The following PRKRIP1 variants were observed in gnomAD, a reference collection of about 807,000 sequenced individuals.
PRKRIP1 encodes the protein PRKR-interacting protein 1.
PRKRIP1 carries 29 observed loss-of-function variants against 29.3 expected under a neutral mutation model. That is an observed-to-expected ratio of 0.99 (90% CI 0.74 to 1.35). The LOEUF (loss-of-function observed/expected upper bound fraction) is 1.35, where lower values mean the gene tolerates loss of function less well. Ranked by LOEUF, PRKRIP1 falls within the 40% of genes most tolerant of loss-of-function variation. PRKRIP1 has a pLI of 0.00. For missense variants in PRKRIP1, 247 were observed against 236.8 expected, an observed-to-expected ratio of 1.04 and a Z score of -0.28; for synonymous variants, 90 against 85.1, an observed-to-expected ratio of 1.06 and a Z score of -0.32.
At chr7:102,412,330 G>A (rs1180141402) in intron 5 of PRKRIP1, among the ~76,000 whole-genome samples, 1 of 152,138 alleles carries the variant, frequency 6.6e-6, no homozygotes, top group Non-Finnish European at 1.5e-5. Context: ...CGAGGTGGGA[G>A]GATCTCTTGA....
chr7:102,414,920 T>A (rs551408147), intron 5 of PRKRIP1, among the ~76,000 whole-genome samples: 1 of 151,952 alleles, frequency 6.6e-6, no homozygotes, highest in Admixed American at 6.6e-5. Flanking sequence ...AAAGATAAAT[T>A]TCTAACCATG....
intron 3 of PRKRIP1, among the ~76,000 whole-genome samples, chr7:102,401,397 T>C (rs1796066609): frequency 6.6e-6 from 1 of 152,170 alleles, no homozygotes; most frequent in Non-Finnish European, 1.5e-5. Context: ...GAAGAAAATA[T>C]GTAAGAATTT....
At position 102,426,007 on chromosome 7, in the gene PRKRIP1, A is replaced by T. The variant is rs1249496495; in HGVS notation, c.*896A>T. 2.6e-5 allele frequency: 4 copies of T among 153,060 alleles called. No homozygotes were observed. Among genetic ancestry groups the T allele is most frequent in the African/African-American group, 9.6e-5 (4 of 41,462 alleles). The allele number at this position is 153,060 out of a possible 1,614,324, so 9.5% of individuals were successfully genotyped here. On this transcript the variant is annotated 3_prime_UTR_variant, in exon 6 of 6. Coordinates refer to ENST00000397912, the MANE Select transcript of PRKRIP1 (RefSeq NM_024653.4). ...TCGGGGCTTTCCGCCGGCTCACAGC[A>T]GTTGGGGCCAGCGGGGAGAAGAGAG...
At position 102,396,378 on chromosome 7, in the gene PRKRIP1, C is replaced by T. The variant is rs781848089; in HGVS notation, c.-34C>T. 10 of 1,497,220 alleles carry T rather than the reference C, an allele frequency of 6.7e-6. No homozygotes were observed. Among genetic ancestry groups the T allele is most frequent in the Non-Finnish European group, 8.0e-6 (9 of 1,128,696 alleles). The allele number at this position is 1,497,220 out of a possible 1,614,324, so 92.7% of individuals were successfully genotyped here. A position where few individuals can be genotyped will look rare whatever the true frequency, so the allele number is the denominator to read the frequency against. The stretch of plus-strand genomic sequence containing the variant: ...CTGTGTCGTCATACTTGCGCGCCGA[C>T]GCCGCCGCTCGCTTGTGAAACTGGA... On this transcript the variant is annotated 5_prime_UTR_variant, in exon 1 of 6. It adds an upstream start codon to the 5' untranslated region. Transcript: ENST00000397912.
At position 102,423,184 on chromosome 7, in the gene PRKRIP1, G is replaced by A. The variant is rs782072342; in HGVS notation, c.458-1830G>A. On this transcript the variant is annotated intron_variant, in intron 5 of 5. Coordinates refer to ENST00000397912, the MANE Select transcript of PRKRIP1 (RefSeq NM_024653.4). ...GGCTGGAGTGCAGTGGCGCTATCTC[G>A]GCTCACTGCAACCTTTGCCTCCTGG... is the stretch of plus-strand genomic sequence containing the variant. 77 of 445,430 alleles carry A rather than the reference G, an allele frequency of 1.7e-4. 3 individuals are homozygous for A. The highest frequency in any genetic ancestry group is 3.4e-4 in the Admixed American group (14 of 40,972). 27.6% of individuals were successfully genotyped at this position (445,430 alleles called of 1,614,324 possible).
chr7:102,416,132 G>A (rs1796531199), intron 5 of PRKRIP1, among the ~76,000 whole-genome samples: 1 of 152,382 alleles, frequency 6.6e-6, no homozygotes, highest in Non-Finnish European at 1.5e-5. Flanking sequence ...GCCCCATGGG[G>A]TTGTGTGTGC....
chr7:102,410,088 C>T (rs1554572354), intron 5 of PRKRIP1, among the ~76,000 whole-genome samples: 1 of 152,162 alleles, frequency 6.6e-6, no homozygotes. Flanking sequence ...TGCCTAGGAG[C>T]TCTGTGTGTG....
intron 5 of PRKRIP1, 22 bp downstream of exon 5, chr7:102,407,520 T>G (rs1782242780): frequency 6.4e-6 from 10 of 1,568,446 alleles, no homozygotes; most frequent in Non-Finnish European, 8.8e-6. Flanking sequence ...CCACTTTTCT[T>G]GGCTGTAGCT....
chr7:102,399,864 C>G (rs1413656748), intron 3 of PRKRIP1, among the ~76,000 whole-genome samples: 1 of 151,902 alleles, frequency 6.6e-6, no homozygotes, highest in South Asian at 2.1e-4. Context: ...ACAAAATTAG[C>G]CAGGTGCATG....
intron 5 of PRKRIP1, among the ~76,000 whole-genome samples, chr7:102,420,804 T>C (rs781793701): frequency 7.2e-5 from 11 of 152,196 alleles, no homozygotes; most frequent in Non-Finnish European, 1.5e-4. Flanking sequence ...ATTCCACCCC[T>C]AACCTCATGC....
intron 5 of PRKRIP1, chr7:102,422,988 A>G: frequency 3.0e-6 from 1 of 336,464 alleles, no homozygotes; most frequent in Non-Finnish European, 6.1e-6. Flanking sequence ...TCTGCAGCCC[A>G]TACTGCATTT....
In PRKRIP1 at chr7:102,399,635, C is replaced by G; in HGVS notation, c.293C>G (p.Ala98Gly). 1 of 1,613,142 alleles carries G rather than the reference C, an allele frequency of 6.2e-7. No individual in the cohort carries two copies. The highest frequency in any genetic ancestry group is 8.5e-7 in the Non-Finnish European group (1 of 1,179,206). ...REYQRQDYMD[A>G]MAEKQKLDAE... The stretch of plus-strand genomic sequence containing the variant: ...TATCAGCGACAGGACTACATGGATG[C>G]CATGGCTGAGAAGGTCAGTGAGCCA... Residue 98 changes from alanine (A) to glycine (G), a missense_variant, in exon 3 of 6, where the codon GCC becomes GGC. Physicochemically the swap from Ala to Gly is moderately conservative, Grantham distance 60 (BLOSUM62 0). Transcript: ENST00000397912.
intron 5 of PRKRIP1, chr7:102,423,056 C>G (rs1554573958): frequency 2.3e-6 from 1 of 427,578 alleles, no homozygotes; most frequent in Non-Finnish European, 4.8e-6. Flanking sequence ...CTCCCTTCCA[C>G]AAACATCCAG....
intron 5 of PRKRIP1, among the ~76,000 whole-genome samples, chr7:102,419,877 GTGTGTGTGTGTGTGTGTGTT>G (rs1235779115): frequency 2.7e-5 from 4 of 147,984 alleles, no homozygotes; most frequent in African/African-American, 7.8e-5. Flanking sequence ...GTGTGTGTGT[GTGTGTGTGTGTGTGTGTGTT>G]TTTGAGATGG....
chr7:102,408,631 C>T (rs1554572154), intron 5 of PRKRIP1, among the ~76,000 whole-genome samples: 1 of 152,212 alleles, frequency 6.6e-6, no homozygotes, highest in Non-Finnish European at 1.5e-5. Context: ...GCATCTATGG[C>T]TATTCCATGC....
chr7:102,410,823 C>T (rs571703096), intron 5 of PRKRIP1, among the ~76,000 whole-genome samples: 31 of 152,286 alleles, frequency 2.0e-4, no homozygotes, highest in Admixed American at 3.3e-4. Context: ...AAGTATGTTT[C>T]CTGTACGTCA....
At chr7:102,402,202 G>GA (rs1554571263) in intron 3 of PRKRIP1, among the ~76,000 whole-genome samples, 1 of 152,086 alleles carries the variant, frequency 6.6e-6, no homozygotes. Context: ...CAGCACTTTG[G>GA]AAGGCCAAGG....
At chr7:102,419,277 T>C (rs1274296425) in intron 5 of PRKRIP1, among the ~76,000 whole-genome samples, 1 of 151,890 alleles carries the variant, frequency 6.6e-6, no homozygotes, top group East Asian at 1.9e-4. Context: ...AGCCAGGCAC[T>C]GTGGCGGGCA....
At position 102,425,257 on chromosome 7, in the gene PRKRIP1, C is replaced by A. The variant is rs534672028; in HGVS notation, c.*146C>A. 11 of 1,492,548 alleles carry A rather than the reference C, an allele frequency of 7.4e-6. No homozygotes were observed. The East Asian group carries it at 2.5e-4, about 34-fold the overall frequency. 92.5% of individuals were successfully genotyped at this position (1,492,548 alleles called of 1,614,324 possible). ...AGACCCCTCCCGAGCCGCTCACAGT[C>A]CTGTATTTGGCAGGTTTGGGAGCCT... On this transcript the variant is annotated 3_prime_UTR_variant, in exon 6 of 6. Coordinates refer to ENST00000397912, the MANE Select transcript of PRKRIP1 (RefSeq NM_024653.4).
Sources: allele counts gnomAD v4.1 joint callset (sites outside exome capture counted in the v4.1 genomes callset), GRCh38; gene constraint gnomAD v4.1.1; transcripts MANE v1.5; gene names NCBI Gene and HGNC (gene_info 2026-07-23, HGNC 2026-07-21).